The following CAST variants were observed in gnomAD, a reference collection of about 807,000 sequenced individuals.
CAST encodes the protein MIR583 host.
Under a neutral mutation model 119.6 loss-of-function variants are expected in CAST, and 76 were observed. That is an observed-to-expected ratio of 0.64 (90% CI 0.53 to 0.77). The LOEUF (loss-of-function observed/expected upper bound fraction) is 0.77, where lower values mean the gene tolerates loss of function less well. Among genes scored for constraint, CAST ranks in the 30% least tolerant of loss-of-function variants. The pLI, the probability that CAST is intolerant of heterozygous loss-of-function variation, is 0.00. For missense variants in CAST, 953 were observed against 946.5 expected (o/e 1.01, Z -0.09); for synonymous variants, 319 against 331.6 (o/e 0.96, Z 0.41).
At chr5:96,122,865 T>C in the CAST span, among the ~76,000 whole-genome samples, 1 of 152,172 alleles carries the variant, frequency 6.6e-6, no homozygotes, top group Non-Finnish European at 1.5e-5. Flanking sequence ...ATAAAGTAAC[T>C]GTCCAGCTCA....
At chr5:96,343,648 G>A in the CAST span, among the ~76,000 whole-genome samples, 1 of 152,146 alleles carries the variant, frequency 6.6e-6, no homozygotes, top group African/African-American at 2.4e-5. Flanking sequence ...GAAAGCAGAA[G>A]AAATTGCCAG....
chr5:96,527,586 A>G (rs1031991009), upstream of CAST, among the ~76,000 whole-genome samples: 2 of 152,188 alleles, frequency 1.3e-5, no homozygotes, highest in African/African-American at 4.8e-5. Flanking sequence ...AGGTGATACA[A>G]GCTAATGTCA....
the CAST span, chr5:96,410,826 G>A: frequency 1.2e-6 from 2 of 1,614,132 alleles, no homozygotes; most frequent in South Asian, 1.1e-5. Context: ...CAGTGTGGAG[G>A]AGCACTTCTC....
chr5:96,372,704 G>A, the CAST span, among the ~76,000 whole-genome samples: 127 of 152,208 alleles, frequency 8.3e-4, no homozygotes, highest in African/African-American at 2.9e-3. Context: ...ACCTTCCTGA[G>A]AATCCTGCCA....
At chr5:96,421,814 A>G in the CAST span, 3 of 885,990 alleles carry the variant, frequency 3.4e-6, no homozygotes, top group Non-Finnish European at 5.8e-6. Flanking sequence ...TATATGGTAT[A>G]ATTTTCTCAA....
At chr5:96,395,831 A>T in the CAST span, among the ~76,000 whole-genome samples, 1 of 74,954 alleles carries the variant, frequency 1.3e-5, no homozygotes, top group African/African-American at 1.1e-4. Flanking sequence ...TCAATGACAA[A>T]AAATAAATAA....
chr5:96,178,868 G>A, the CAST span, among the ~76,000 whole-genome samples: 1 of 152,078 alleles, frequency 6.6e-6, no homozygotes, highest in Non-Finnish European at 1.5e-5. Flanking sequence ...TATTTATACG[G>A]GCCTCATTCA....
At chr5:96,207,578 A>T in the CAST span, among the ~76,000 whole-genome samples, 6 of 151,758 alleles carry the variant, frequency 4.0e-5, no homozygotes, top group East Asian at 1.2e-3. Context: ...TTTGTTTTTC[A>T]TTCTGTTTAT....
At chr5:96,607,912 G>A (rs1747291147) in intron 1 of CAST, among the ~76,000 whole-genome samples, 1 of 152,174 alleles carries the variant, frequency 6.6e-6, no homozygotes. Context: ...TCAAACCAGA[G>A]TAATTATCAT....
chr5:96,225,113 A>G, the CAST span, among the ~76,000 whole-genome samples: 25 of 152,054 alleles, frequency 1.6e-4, no homozygotes, highest in Non-Finnish European at 3.2e-4. Flanking sequence ...TCAATATCAC[A>G]TATGTGGAAT....
the CAST span, among the ~76,000 whole-genome samples, chr5:96,357,558 C>T: frequency 0.081 from 12,269 of 152,130 alleles, 524 homozygotes; most frequent in Non-Finnish European, 0.1. Flanking sequence ...TGAATTTTGT[C>T]GAAGGTCTTT....
chr5:96,592,565 T>A (rs1477435631), intron 1 of CAST, among the ~76,000 whole-genome samples: 1 of 152,220 alleles, frequency 6.6e-6, no homozygotes, highest in Non-Finnish European at 1.5e-5. Flanking sequence ...AGCTTCTCTC[T>A]TATAGCATAG....
the CAST span, among the ~76,000 whole-genome samples, chr5:96,395,641 G>A: frequency 2.0e-5 from 3 of 152,166 alleles, no homozygotes; most frequent in Non-Finnish European, 2.9e-5. Context: ...GGGCCTGTCA[G>A]GGAGTAGGGG....
At chr5:96,193,037 A>G in the CAST span, among the ~76,000 whole-genome samples, 14 of 152,242 alleles carry the variant, frequency 9.2e-5, 1 homozygote, top group Non-Finnish European at 1.9e-4. Flanking sequence ...AGTAATCTTA[A>G]TGTTGATTTC....
the CAST span, among the ~76,000 whole-genome samples, chr5:96,021,345 G>A: frequency 6.6e-6 from 1 of 152,110 alleles, no homozygotes; most frequent in Non-Finnish European, 1.5e-5. Flanking sequence ...CAGTATTTAG[G>A]ATTCTAAAAG....
At chr5:96,644,024 G>A (rs1377929973) in intron 1 of CAST, among the ~76,000 whole-genome samples, 1 of 151,676 alleles carries the variant, frequency 6.6e-6, no homozygotes, top group Non-Finnish European at 1.5e-5. Context: ...CCAGCCTGGG[G>A]GACAGAACGA....
At chr5:95,999,793 C>T in the CAST span, among the ~76,000 whole-genome samples, 70 of 152,244 alleles carry the variant, frequency 4.6e-4, no homozygotes, top group African/African-American at 1.5e-3. Context: ...TGGATCATTT[C>T]GTAGTTTTAT....
At chr5:96,513,654 C>T in the CAST span, among the ~76,000 whole-genome samples, 3 of 152,172 alleles carry the variant, frequency 2.0e-5, 1 homozygote, top group African/African-American at 7.2e-5. Flanking sequence ...CTCGGCTCCA[C>T]CCTCATTGCC....
chr5:96,594,711 G>A (rs777608166), intron 1 of CAST, among the ~76,000 whole-genome samples: 2 of 152,030 alleles, frequency 1.3e-5, no homozygotes, highest in Non-Finnish European at 2.9e-5. Context: ...TTTTTATTTT[G>A]CAGTAAATCC....
Sources: gnomAD v4.1 joint callset for allele counts (sites outside exome capture counted in the v4.1 genomes callset) on GRCh38, gnomAD v4.1.1 for gene constraint, MANE v1.5 for transcripts, NCBI Gene and HGNC (gene_info 2026-07-23, HGNC 2026-07-21) for gene names.